GPHN: variants seen among roughly 807,000 people sequenced by gnomAD.
GPHN encodes gephyrin.
In GPHN, 17 loss-of-function variants were observed where a neutral mutation model predicts 95.5. The observed-to-expected ratio is 0.18, with a 90% CI of 0.12 to 0.27. The LOEUF (loss-of-function observed/expected upper bound fraction) is 0.27, where lower values mean the gene tolerates loss of function less well. Ranked by LOEUF, GPHN falls within the 10% of genes least tolerant of loss-of-function variation. The pLI is 1.00. For missense variants in GPHN, 660 were observed against 978.1 expected (o/e 0.67, Z 4.34); for synonymous variants, 320 against 322.5 (o/e 0.99, Z 0.08).
rs189734519 is a variant in GPHN at position 67,071,272 on chromosome 14, A to G, written c.1144+12486A>G. ...TGATAGACTGGATTAAGAAAATGTG[A>G]CACATATACACCATGAAATACTATG... On this transcript the variant is annotated intron_variant, in intron 11 of 22. Transcript: ENST00000478722. Among the ~76,000 whole-genome samples, 21 of 152,284 alleles carry G rather than the reference A, an allele frequency of 1.4e-4. No individual in the cohort carries two copies. The East Asian group carries it at 3.9e-3, about 28-fold the overall frequency.
At chr14:67,618,287 CGCGAG>C in the GPHN span, among the ~76,000 whole-genome samples, 1 of 152,112 alleles carries the variant, frequency 6.6e-6, no homozygotes, top group African/African-American at 2.4e-5. Context: ...TCTGTAAATT[CGCGAG>C]TGGGGCCCAA....
intron 1 of GPHN, among the ~76,000 whole-genome samples, chr14:66,543,110 C>A (rs962644595): frequency 2.0e-5 from 3 of 152,060 alleles, no homozygotes; most frequent in African/African-American, 7.2e-5. Context: ...GTATACAGTA[C>A]CAAGGGGGGT....
At chr14:67,284,429 T>TAAATAAAAA in the GPHN span, among the ~76,000 whole-genome samples, 2 of 92,678 alleles carry the variant, frequency 2.2e-5, no homozygotes, top group African/African-American at 1.3e-4. Context: ...CCCTATCTCT[T>TAAATAAAAA]AAAAAAAAAA....
intron 2 of GPHN, among the ~76,000 whole-genome samples, chr14:66,700,580 A>G (rs192597467): frequency 2.6e-5 from 4 of 152,268 alleles, no homozygotes; most frequent in African/African-American, 9.6e-5. Context: ...CACTTCTGCT[A>G]TTGTCTTTGC....
chr14:66,711,810 A>G (rs1024748551), intron 2 of GPHN, among the ~76,000 whole-genome samples: 2 of 149,582 alleles, frequency 1.3e-5, no homozygotes, highest in Admixed American at 1.3e-4. Context: ...CTCGTTGTTC[A>G]ATTCCCACCT....
the GPHN span, chr14:67,599,953 A>G: frequency 7.5e-7 from 1 of 1,337,056 alleles, no homozygotes; most frequent in Admixed American, 2.5e-5. Context: ...GGGCTCGACC[A>G]AAGACCCCAA....
intron 8 of GPHN, among the ~76,000 whole-genome samples, chr14:66,925,213 A>G (rs1041437000): frequency 6.6e-6 from 1 of 152,186 alleles, no homozygotes; most frequent in Non-Finnish European, 1.5e-5. Flanking sequence ...ACAATGGGTA[A>G]TAATCACATC....
chr14:66,934,539 C>T (rs1174934615), intron 8 of GPHN, among the ~76,000 whole-genome samples: 2 of 152,296 alleles, frequency 1.3e-5, no homozygotes, highest in East Asian at 3.9e-4. Flanking sequence ...GTTAAAGGAT[C>T]ATGTAATTCA....
At chr14:66,593,529 T>G (rs1024030646) in intron 1 of GPHN, among the ~76,000 whole-genome samples, 13 of 152,068 alleles carry the variant, frequency 8.5e-5, no homozygotes, top group Admixed American at 2.0e-4. Context: ...CTCACTATCA[T>G]GAGAACAGCA....
At position 66,599,392 on chromosome 14, in the gene GPHN, A is replaced by ATTTTTTTT. The variant is rs765267813; in HGVS notation, c.65-81706_65-81699dup. Among the ~76,000 whole-genome samples the ATTTTTTTT allele has an allele frequency of 1.6e-3, 123 of 76,482 alleles. 6 individuals carry two copies. The highest frequency in any genetic ancestry group is 4.6e-3 in the African/African-American group (64 of 13,924). 50.2% of individuals were successfully genotyped at this position (76,482 alleles called of 152,430 possible). On this transcript the variant is annotated intron_variant, in intron 1 of 22. Transcript: ENST00000478722. ...TCTCTGATTTTACATTTTTTTTTGCATTTTTTTTTTTTTTTTGCTAGATGC... is the reference window on the plus strand; with the variant it reads ...TCTCTGATTTTACATTTTTTTTTGCATTTTTTTTTTTTTTTTTTTTTTTTGCTAGATGC...
At chr14:67,317,780 T>G in the GPHN span, among the ~76,000 whole-genome samples, 1 of 152,226 alleles carries the variant, frequency 6.6e-6, no homozygotes, top group Non-Finnish European at 1.5e-5. Flanking sequence ...AAGTAAAAAC[T>G]ATGTCCTCTA....
intron 10 of GPHN, among the ~76,000 whole-genome samples, chr14:67,047,625 CAA>C (rs2075099972): frequency 6.6e-6 from 1 of 152,134 alleles, no homozygotes; most frequent in Admixed American, 6.5e-5. Context: ...GTCAGCCTCC[CAA>C]AGTGTTAGGA....
chr14:67,466,994 C>CAAAAAAA, the GPHN span: 3 of 72,862 alleles, frequency 4.1e-5, no homozygotes, highest in Non-Finnish European at 5.2e-5. Flanking sequence ...GACCCAATCT[C>CAAAAAAA]AAAAAAAAAA....
chr14:67,528,384 C>A, the GPHN span, among the ~76,000 whole-genome samples: 1 of 152,162 alleles, frequency 6.6e-6, no homozygotes, highest in African/African-American at 2.4e-5. Flanking sequence ...TCTTGGAGCC[C>A]TAGTCTCTCC....
chr14:67,412,603 G>C, the GPHN span, among the ~76,000 whole-genome samples: 3 of 152,114 alleles, frequency 2.0e-5, no homozygotes, highest in Non-Finnish European at 4.4e-5. Flanking sequence ...TTTTAAGGCG[G>C]CAGGCACAGT....
At chr14:66,994,232 G>T (rs567363330) in intron 9 of GPHN, among the ~76,000 whole-genome samples, 1 of 152,122 alleles carries the variant, frequency 6.6e-6, no homozygotes, top group South Asian at 2.1e-4. Context: ...CGGGCATGAT[G>T]GTGGGTGCCA....
At chr14:67,320,038 A>C in the GPHN span, among the ~76,000 whole-genome samples, 1 of 152,220 alleles carries the variant, frequency 6.6e-6, no homozygotes, top group Non-Finnish European at 1.5e-5. Flanking sequence ...TTTATTTCAA[A>C]TATGAAATGA....
chr14:66,919,964 C>T (rs1596371892), intron 6 of GPHN, among the ~76,000 whole-genome samples: 2 of 151,960 alleles, frequency 1.3e-5, no homozygotes, highest in African/African-American at 2.4e-5. Context: ...CTACTCAGGA[C>T]GCTGAGGCAG....
At chr14:67,534,673 C>G in the GPHN span, among the ~76,000 whole-genome samples, 8 of 152,104 alleles carry the variant, frequency 5.3e-5, no homozygotes, top group African/African-American at 1.9e-4. Context: ...TGGGGTGCAG[C>G]CTGTGGCCCC....
Sources: allele counts gnomAD v4.1 joint callset (sites outside exome capture counted in the v4.1 genomes callset), GRCh38; gene constraint gnomAD v4.1.1; transcripts MANE v1.5; gene names NCBI Gene and HGNC (gene_info 2026-07-23, HGNC 2026-07-21).